Variants in GPM6B observed in about 807,000 individuals in gnomAD.
GPM6B encodes glycoprotein M6B, also known as neuronal membrane glycoprotein M6-b.
A neutral mutation model predicts 27.2 loss-of-function variants in GPM6B; 4 were observed. That is an observed-to-expected ratio of 0.15 (90% CI 0.07 to 0.34). GPM6B has a LOEUF of 0.34. Among genes scored for constraint, GPM6B ranks in the 10% least tolerant of loss-of-function variants. The pLI is 1.00. For missense variants in GPM6B, 183 were observed against 261.9 expected, an observed-to-expected ratio of 0.70 and a Z score of 2.08; for synonymous variants, 124 against 103.1, an observed-to-expected ratio of 1.20 and a Z score of -1.23.
At chrX:13,805,843 GAAGACTCTTA>G (rs2049011507) in intron 2 of GPM6B, among the ~76,000 whole-genome samples, 3 of 111,329 alleles carry the variant, frequency 2.7e-5, no homozygotes, top group African/African-American at 6.5e-5. Context: ...CTCTTAAAAT[GAAGACTCTTA>G]AAGACTCTTA....
intron 7 of GPM6B, chrX:13,774,099 T>C: frequency 1.3e-6 from 1 of 754,867 alleles, no homozygotes; most frequent in Non-Finnish European, 1.6e-6. Context: ...TTGCAAAGTA[T>C]TTTCCAGGTG....
At chrX:13,859,725 T>C (rs2049821675) in intron 1 of GPM6B, among the ~76,000 whole-genome samples, 1 of 111,497 alleles carries the variant, frequency 9.0e-6, no homozygotes, top group Admixed American at 9.6e-5. Flanking sequence ...GAGTCCGGAT[T>C]TGAACCCAGC....
chrX:13,863,307 T>C (rs1314007279), intron 1 of GPM6B, among the ~76,000 whole-genome samples: 2 of 111,846 alleles, frequency 1.8e-5, no homozygotes, highest in African/African-American at 3.2e-5. Flanking sequence ...CCTATCCACA[T>C]GCTAAGACTA....
At chrX:13,821,556 C>T (rs749513930), upstream of GPM6B, among the ~76,000 whole-genome samples, 1 of 112,530 alleles carries the variant, frequency 8.9e-6, no homozygotes, top group African/African-American at 3.2e-5. Context: ...ATCCAAGATT[C>T]ATTAAGCACT....
chrX:13,850,514 G>C (rs2049702631), intron 1 of GPM6B, among the ~76,000 whole-genome samples: 1 of 112,488 alleles, frequency 8.9e-6, no homozygotes, highest in Non-Finnish European at 1.9e-5. Flanking sequence ...CAAATACTTT[G>C]AACAGCATGT....
chrX:13,787,041 CAAAAA>C (rs869123073), intron 2 of GPM6B, among the ~76,000 whole-genome samples: 19 of 24,506 alleles, frequency 7.8e-4, no homozygotes, highest in African/African-American at 2.0e-3. Context: ...ATTAAGCCAG[CAAAAA>C]AAAAAAAAAA....
At chrX:13,857,185 CTT>C (rs1238292620) in intron 1 of GPM6B, among the ~76,000 whole-genome samples, 1 of 111,366 alleles carries the variant, frequency 9.0e-6, no homozygotes, top group African/African-American at 3.3e-5. Flanking sequence ...AGATCCTTAA[CTT>C]AATCACATCT....
chrX:13,840,709 A>G (rs1210816165), intron 1 of GPM6B, among the ~76,000 whole-genome samples: 1 of 111,257 alleles, frequency 9.0e-6, no homozygotes, highest in Non-Finnish European at 1.9e-5. Flanking sequence ...TACCCTTTAT[A>G]ATAGATTCAC....
At chrX:13,853,689 G>A (rs771582768) in intron 1 of GPM6B, among the ~76,000 whole-genome samples, 10 of 107,658 alleles carry the variant, frequency 9.3e-5, no homozygotes, top group East Asian at 2.9e-4. Flanking sequence ...AGGAGATATC[G>A]CATGGGCACA....
At chrX:13,920,730 A>G (rs1920962063) in intron 1 of GPM6B, among the ~76,000 whole-genome samples, 1 of 110,136 alleles carries the variant, frequency 9.1e-6, no homozygotes, top group African/African-American at 3.3e-5. Flanking sequence ...TCTCTACTAA[A>G]AATACAAAAA....
At chrX:13,916,419 G>A (rs1249085734) in intron 1 of GPM6B, among the ~76,000 whole-genome samples, 1 of 111,510 alleles carries the variant, frequency 9.0e-6, no homozygotes, top group Non-Finnish European at 1.9e-5. Flanking sequence ...TTCAGGCTCA[G>A]ATATATCTAC....
At chrX:13,835,385 A>T (rs1299648584) in intron 1 of GPM6B, among the ~76,000 whole-genome samples, 3 of 112,319 alleles carry the variant, frequency 2.7e-5, no homozygotes, top group Non-Finnish European at 3.8e-5. Flanking sequence ...ACGGCTTCCT[A>T]GAAGAAATAC....
At chrX:13,795,477 T>C (rs1473499837) in intron 2 of GPM6B, among the ~76,000 whole-genome samples, 1 of 111,611 alleles carries the variant, frequency 9.0e-6, no homozygotes, top group African/African-American at 3.3e-5. Flanking sequence ...CTTCATATAC[T>C]TCAACCAAAG....
chrX:13,892,665 G>A (rs1210137273), intron 1 of GPM6B, among the ~76,000 whole-genome samples: 1 of 111,950 alleles, frequency 8.9e-6, no homozygotes, highest in East Asian at 2.8e-4. Context: ...AAAGTAGCTG[G>A]GACTACAGGC....
chrX:13,822,782 C>T (rs1254103088), intron 1 of GPM6B, among the ~76,000 whole-genome samples: 1 of 111,659 alleles, frequency 9.0e-6, no homozygotes, highest in East Asian at 2.8e-4. Flanking sequence ...ATGATAAATA[C>T]AGCAAGAATT....
chrX:13,904,618 A>T (rs955799889), intron 1 of GPM6B, among the ~76,000 whole-genome samples: 4 of 111,198 alleles, frequency 3.6e-5, no homozygotes, highest in Non-Finnish European at 7.5e-5. Flanking sequence ...GTACTACGAC[A>T]ACACCGTTTA....
chrX:13,832,843 G>A (rs1163589168), intron 1 of GPM6B, among the ~76,000 whole-genome samples: 3 of 111,303 alleles, frequency 2.7e-5, no homozygotes, highest in Non-Finnish European at 5.6e-5. Context: ...GGGTAGAAAG[G>A]GCAACCAATG....
intron 1 of GPM6B, among the ~76,000 whole-genome samples, chrX:13,887,827 C>T (rs1244866676): frequency 8.9e-6 from 1 of 111,736 alleles, no homozygotes; most frequent in Admixed American, 9.5e-5. Context: ...ACCCAGAGAG[C>T]AGTCGCTTGC....
chrX:13,930,496 C>T (rs1354460753), intron 1 of GPM6B, among the ~76,000 whole-genome samples: 1 of 111,407 alleles, frequency 9.0e-6, no homozygotes, highest in Non-Finnish European at 1.9e-5. Flanking sequence ...CACCTGTAGT[C>T]CCAGCTACTC....
Sources: gnomAD v4.1 joint callset for allele counts (sites outside exome capture counted in the v4.1 genomes callset) on GRCh38, gnomAD v4.1.1 for gene constraint, MANE v1.5 for transcripts, NCBI Gene and HGNC (gene_info 2026-07-23, HGNC 2026-07-21) for gene names.